Variants in NGLY1 observed in about 807,000 individuals in gnomAD.
NGLY1 encodes peptide-N(4)-(N-acetyl-beta-glucosaminyl)asparagine amidase.
A neutral mutation model predicts 84.6 loss-of-function variants in NGLY1; 68 were observed. The observed-to-expected ratio is 0.80, with a 90% CI of 0.66 to 0.98. The LOEUF is 0.98. Among genes scored for constraint, NGLY1 ranks in the 50% least tolerant of loss-of-function variants. The pLI, the probability that NGLY1 is intolerant of heterozygous loss-of-function variation, is 0.00. For synonymous variants in NGLY1, 280 were observed against 275.2 expected (o/e 1.02, Z -0.17); for missense variants, 779 against 770.2 (o/e 1.01, Z -0.14).
intron 6 of NGLY1, 88 bp from the exon 7 acceptor site, chr3:25,736,237 C>T: frequency 1.9e-6 from 3 of 1,559,500 alleles, no homozygotes. Context: ...TCCTAAGAAT[C>T]ATAAAGTAAT....
chr3:25,752,972 C>G (rs1706835469), intron 3 of NGLY1, among the ~76,000 whole-genome samples: 1 of 151,772 alleles, frequency 6.6e-6, no homozygotes, highest in Non-Finnish European at 1.5e-5. Context: ...GAGGATAAAT[C>G]CAAAACTTCT....
At chr3:25,723,985 G>A (rs1265976830) in intron 10 of NGLY1, among the ~76,000 whole-genome samples, 5 of 152,160 alleles carry the variant, frequency 3.3e-5, no homozygotes, top group Non-Finnish European at 7.3e-5. Context: ...GTGAGAACAA[G>A]ACCTGTGTGT....
chr3:25,747,508 G>A (rs1250583630), intron 4 of NGLY1, among the ~76,000 whole-genome samples: 1 of 152,062 alleles, frequency 6.6e-6, no homozygotes, highest in Non-Finnish European at 1.5e-5. Context: ...AAATACAAAG[G>A]GTAGCAAAAT....
At chr3:25,735,420 C>T (rs1383759859) in intron 7 of NGLY1, 1 of 151,632 alleles carries the variant, frequency 6.6e-6, no homozygotes, top group East Asian at 1.9e-4. Flanking sequence ...GGTAAGCAAA[C>T]ACATAAAAAG....
rs1221589220 is a variant in NGLY1 at position 25,783,408 on chromosome 3, C to G, written c.-18G>C. 2.6e-6 allele frequency: 4 copies of G among 1,520,726 alleles called. No homozygotes were observed. Among genetic ancestry groups the G allele is most frequent in the South Asian group, 2.4e-5 (2 of 82,776 alleles). 94.2% of individuals were successfully genotyped at this position (1,520,726 alleles called of 1,614,324 possible). The stretch of plus-strand genomic sequence containing the variant: ...GCCGCCATGCTTGAGCGCCAGCGGG[C>G]GCCGCCGCCGCCCCTCGCTCTCCGC... On this transcript the variant is annotated 5_prime_UTR_variant, in exon 1 of 12. Transcript: ENST00000280700. The surrounding 1 kb of genome is among the most constrained non-coding windows in gnomAD (Gnocchi z 4.5).
intron 4 of NGLY1, among the ~76,000 whole-genome samples, chr3:25,743,302 A>C (rs1386985485): frequency 6.6e-6 from 1 of 152,116 alleles, no homozygotes; most frequent in Non-Finnish European, 1.5e-5. Context: ...AGCCCCAGGA[A>C]ACTTAAATAC....
At chr3:25,723,243 T>C (rs1705094985) in intron 10 of NGLY1, among the ~76,000 whole-genome samples, 1 of 152,208 alleles carries the variant, frequency 6.6e-6, no homozygotes, top group Non-Finnish European at 1.5e-5. Context: ...ACAGCATTTA[T>C]TAAAGCCTTA....
chr3:25,787,841 A>G (rs778396969), upstream of NGLY1, among the ~76,000 whole-genome samples: 3 of 152,146 alleles, frequency 2.0e-5, no homozygotes, highest in East Asian at 3.8e-4. Context: ...TGGGCCACAT[A>G]TTTAGCTGTT....
chr3:25,752,179 G>T (rs535862907), intron 3 of NGLY1, among the ~76,000 whole-genome samples: 1 of 152,230 alleles, frequency 6.6e-6, no homozygotes, highest in East Asian at 1.9e-4. Flanking sequence ...TATATTCAGA[G>T]AAAGACTCAA....
intron 5 of NGLY1, 144 bp downstream of exon 5, chr3:25,739,433 T>C (rs1188486922): frequency 9.4e-6 from 7 of 745,014 alleles, no homozygotes; most frequent in Non-Finnish European, 1.5e-5. Flanking sequence ...CGGCTGGATT[T>C]AGCCTGCCAG....
chr3:25,739,207 C>T (rs1279167629), intron 5 of NGLY1, among the ~76,000 whole-genome samples: 4 of 152,116 alleles, frequency 2.6e-5, no homozygotes, highest in South Asian at 4.1e-4. Context: ...AGATTTATAG[C>T]ATTAAACATG....
chr3:25,786,605 A>T (rs1163132279), upstream of NGLY1, among the ~76,000 whole-genome samples: 2 of 152,204 alleles, frequency 1.3e-5, no homozygotes, highest in African/African-American at 4.8e-5. Context: ...ATGAGAGACC[A>T]AGTCCCTTTA....
chr3:25,733,895 T>C lies in NGLY1; in HGVS notation c.1237A>G (p.Thr413Ala). 6.2e-7 allele frequency: 1 copy of C among 1,613,588 alleles called. No individual in the cohort carries two copies. The highest frequency in any genetic ancestry group is 1.3e-5 in the African/African-American group (1 of 75,026). ...ACCTGCTTATTAAGCCCATTAATAG[T>C]GTCTCGAAGTAATGCTTCTTTAACC... ...TKVKEALLRD[T>A]INGLNKQRQL... Residue 413 changes from threonine to alanine, a missense_variant, in exon 8 of 12, where the codon ACT becomes GCT. Transcript: ENST00000280700.
chr3:25,781,097 C>A (rs1035775137), intron 1 of NGLY1, among the ~76,000 whole-genome samples: 3 of 151,796 alleles, frequency 2.0e-5, no homozygotes, highest in Admixed American at 6.6e-5. Flanking sequence ...CTACAGGTGT[C>A]TGCCACCACG....
At position 25,739,635 on chromosome 3, in the gene NGLY1, C is replaced by T. The variant is rs752711308; in HGVS notation, c.823G>A (p.Ala275Thr). Residue 275 changes from alanine (A) to threonine (T), a missense_variant, in exon 5 of 12, where the codon GCA (alanine) becomes ACA (threonine). Ala to Thr is a moderately conservative substitution (Grantham distance 58). Coordinates refer to ENST00000280700, the MANE Select transcript of NGLY1 (RefSeq NM_018297.4). ...LPSDDELKWG[A>T]KEVEDHYCDA... ...CAGTAATGATCTTCCACTTCCTTTG[C>T]ACCCCACTTCAGCTCATCATCACTG... 9 of 1,613,998 alleles carry T rather than the reference C, an allele frequency of 5.6e-6. No homozygotes were observed. The highest frequency in any genetic ancestry group is 5.0e-5 in the Admixed American group (3 of 59,994).
chr3:25,755,282 T>G, intron 3 of NGLY1: 1 of 1,366,988 alleles, frequency 7.3e-7, no homozygotes, highest in South Asian at 1.2e-5. Context: ...TGATAGATAC[T>G]GCTTAACAGC....
In NGLY1 at chr3:25,748,109, C is replaced by A. The variant is rs115050404; in HGVS notation, c.658+2989G>T. Among the ~76,000 whole-genome samples, 642 of 152,276 alleles carry A rather than the reference C, an allele frequency of 4.2e-3. 6 individuals carry two copies. The highest frequency in any genetic ancestry group is 0.015 in the African/African-American group (617 of 41,542). Reference sequence around the variant, plus strand: ...AACTGGGGGAAGGACATATATTTCCCTGACTCCAGCCCCTTGTAGCCTTCC... The same window carrying A: ...AACTGGGGGAAGGACATATATTTCCATGACTCCAGCCCCTTGTAGCCTTCC... On this transcript the variant is annotated intron_variant, in intron 4 of 11. Transcript: ENST00000280700.
rs200042243 is a variant in NGLY1 at position 25,764,170 on chromosome 3, C to G, written c.388G>C (p.Ala130Pro). Reference protein sequence around the residue: ...HKVKSSQQPAASTQLPTTPSS... With the variant: ...HKVKSSQQPAPSTQLPTTPSS... ...GGTGTTGTAGGAAGCTGGGTACTGG[C>G]TGCAGGTTGCTGAGATGACTTTACT... Residue 130 changes from alanine (A) to proline (P), a missense_variant, in exon 3 of 12, where the codon GCC (alanine) becomes CCC (proline). By Grantham distance (27) the Ala-to-Pro change is conservative (BLOSUM62 -1). Coordinates refer to ENST00000280700, the MANE Select transcript of NGLY1 (RefSeq NM_018297.4). The G allele has an allele frequency of 6.2e-7, 1 of 1,614,164 alleles. No individual in the cohort carries two copies. The highest frequency in any genetic ancestry group is 8.5e-7 in the Non-Finnish European group (1 of 1,180,024).
rs777477249 is a variant in NGLY1 at position 25,783,288 on chromosome 3, G to A, written c.103C>T (p.Leu35=). 1.9e-6 allele frequency: 3 copies of A among 1,609,016 alleles called. No individual in the cohort carries two copies. In the Admixed American group the frequency reaches 5.0e-5, roughly 27 times the overall value. The part of the protein sequence containing the change: ...PETFLEASKL[L]LTYADNILRN... Reference sequence around the variant, plus strand: ...AGGATGTTGTCAGCATAGGTGAGCAGCAGCTTGGAGGCCTCCAAAAAGGTC... The same window carrying A: ...AGGATGTTGTCAGCATAGGTGAGCAACAGCTTGGAGGCCTCCAAAAAGGTC... The change falls in exon 1 of 12, where the codon CTG becomes TTG. Residue 35 remains leucine, a synonymous_variant. Transcript: ENST00000280700. The surrounding 1 kb of genome is among the most constrained non-coding windows in gnomAD (Gnocchi z 4.5).
Sources: gnomAD v4.1 joint callset for allele counts (sites outside exome capture counted in the v4.1 genomes callset) on GRCh38, gnomAD v4.1.1 for gene constraint, Gnocchi (gnomAD v3.1) non-coding constraint, MANE v1.5 for transcripts, NCBI Gene and HGNC (gene_info 2026-07-23, HGNC 2026-07-21) for gene names.